Variants in NPAS3 observed in about 807,000 individuals in gnomAD.
NPAS3 encodes neuronal PAS domain-containing protein 3.
A neutral mutation model predicts 73.1 loss-of-function variants in NPAS3; 14 were observed. That is an observed-to-expected ratio of 0.19 (90% CI 0.13 to 0.30). The LOEUF is 0.30. Ranked by LOEUF, NPAS3 falls within the 10% of genes least tolerant of loss-of-function variation. NPAS3 has a pLI of 1.00. For missense variants in NPAS3, 1,096 were observed against 1,250.0 expected, an observed-to-expected ratio of 0.88 and a Z score of 1.86; for synonymous variants, 620 against 541.5, an observed-to-expected ratio of 1.14 and a Z score of -2.01.
intron 5 of NPAS3, among the ~76,000 whole-genome samples, chr14:33,623,632 C>T (rs1181889515): frequency 6.6e-6 from 1 of 152,194 alleles, no homozygotes; most frequent in African/African-American, 2.4e-5. Context: ...GTTCCACTCT[C>T]TCCAAGGCCT....
At position 33,659,519 on chromosome 14, in the gene NPAS3, G is replaced by A. The variant is rs541882923; in HGVS notation, c.559-16692G>A. Reference sequence around the variant, plus strand: ...TGTACCTTGTTTGTCTGGCTATCCTGGGAAGTCCCTTTTAGCAAACAGAGC... The same window carrying A: ...TGTACCTTGTTTGTCTGGCTATCCTAGGAAGTCCCTTTTAGCAAACAGAGC... On this transcript the variant is annotated intron_variant, in intron 5 of 11. Coordinates refer to ENST00000356141, the Ensembl canonical transcript of NPAS3. Among the ~76,000 whole-genome samples the A allele has an allele frequency of 1.2e-4, 19 of 152,186 alleles. No individual in the cohort carries two copies. The East Asian group carries it at 3.7e-3, about 29-fold the overall frequency.
intron 2 of NPAS3, among the ~76,000 whole-genome samples, chr14:33,199,538 CTAG>C (rs1168182643): frequency 1.3e-5 from 2 of 152,126 alleles, no homozygotes; most frequent in Admixed American, 1.3e-4. Flanking sequence ...TTGGTGCTCA[CTAG>C]TACCACCTCC....
intron 3 of NPAS3, among the ~76,000 whole-genome samples, chr14:33,230,058 G>A (rs1196543906): frequency 2.0e-5 from 3 of 152,170 alleles, no homozygotes; most frequent in East Asian, 1.9e-4. Context: ...GAAAGCTTTG[G>A]GGTCTTTCTC....
intron 6 of NPAS3, among the ~76,000 whole-genome samples, chr14:33,703,286 A>G (rs560013816): frequency 2.6e-5 from 4 of 152,250 alleles, no homozygotes; most frequent in Admixed American, 2.6e-4. Flanking sequence ...GGAGTTTAAG[A>G]CTAGCCTGTG....
At chr14:33,025,230 G>T (rs2039759245) in intron 1 of NPAS3, among the ~76,000 whole-genome samples, 2 of 152,206 alleles carry the variant, frequency 1.3e-5, no homozygotes. Flanking sequence ...CTAGGTTTGG[G>T]TCTTGGCTTT....
At chr14:33,251,524 T>G (rs1229100564) in intron 3 of NPAS3, among the ~76,000 whole-genome samples, 1 of 152,086 alleles carries the variant, frequency 6.6e-6, no homozygotes, top group African/African-American at 2.4e-5. Context: ...TCTGAAATCA[T>G]TCCAACTTTT....
chr14:33,059,781 C>G (rs1173294883), intron 2 of NPAS3, among the ~76,000 whole-genome samples: 1 of 152,152 alleles, frequency 6.6e-6, no homozygotes, highest in South Asian at 2.1e-4. Flanking sequence ...AAAGACACCC[C>G]TTCCATACTA....
At chr14:33,258,850 G>C (rs1479733332) in intron 3 of NPAS3, among the ~76,000 whole-genome samples, 1 of 152,088 alleles carries the variant, frequency 6.6e-6, no homozygotes, top group Non-Finnish European at 1.5e-5. Context: ...GTCTCGCTCT[G>C]TCACCAAGGC....
chr14:33,678,027 T>TTTAAG (rs974153655), intron 6 of NPAS3, among the ~76,000 whole-genome samples: 4 of 152,204 alleles, frequency 2.6e-5, no homozygotes, highest in East Asian at 1.9e-4. Context: ...CATGAAAGAA[T>TTTAAG]TTAAGTTTCT....
In NPAS3 at chr14:33,678,754, G is replaced by GAAAA. The variant is rs33960834; in HGVS notation, c.733+2379_733+2382dup. On this transcript the variant is annotated intron_variant, in intron 6 of 11. Transcript: ENST00000356141. Reference sequence around the variant, plus strand: ...ACATGTTGACAGTGAGACTTTGGGAGAAAAAAAAAAAAATCCACAGCCTGT... The same window carrying GAAAA: ...ACATGTTGACAGTGAGACTTTGGGAGAAAAAAAAAAAAAAAAATCCACAGCCTGT... 1.1e-3 allele frequency among the ~76,000 whole-genome samples: 168 copies of GAAAA among 146,318 alleles called. 1 individual carries two copies. Among genetic ancestry groups the GAAAA allele is most frequent in the East Asian group, 2.8e-3 (14 of 4,970 alleles).
intron 4 of NPAS3, among the ~76,000 whole-genome samples, chr14:33,442,573 T>A (rs113717582): frequency 2.9e-4 from 44 of 152,336 alleles, no homozygotes; most frequent in African/African-American, 1.0e-3. Context: ...TGATAGTAAG[T>A]TCTCATGAGA....
At chr14:33,626,131 C>G (rs1326083345) in intron 5 of NPAS3, among the ~76,000 whole-genome samples, 1 of 152,180 alleles carries the variant, frequency 6.6e-6, no homozygotes, top group African/African-American at 2.4e-5. Context: ...TCTGGCAGTG[C>G]TTTCTCCCAC....
At chr14:33,211,349 G>T (rs1165970345) in intron 2 of NPAS3, among the ~76,000 whole-genome samples, 1 of 152,204 alleles carries the variant, frequency 6.6e-6, no homozygotes, top group African/African-American at 2.4e-5. Context: ...GGGAGGCCAA[G>T]GTGGGCGGAT....
At chr14:33,054,604 ACTTAT>A (rs1244603855) in intron 1 of NPAS3, among the ~76,000 whole-genome samples, 1 of 131,812 alleles carries the variant, frequency 7.6e-6, no homozygotes, top group African/African-American at 3.0e-5. Context: ...ATTAGAAAAA[ACTTAT>A]CTGAGTTTTT....
intron 5 of NPAS3, among the ~76,000 whole-genome samples, chr14:33,582,792 C>G (rs1292183798): frequency 1.3e-5 from 2 of 152,060 alleles, no homozygotes; most frequent in African/African-American, 4.8e-5. Context: ...TATGCTATAA[C>G]TAATGGAGAA....
chr14:33,221,705 A>G (rs1046949240), intron 3 of NPAS3, among the ~76,000 whole-genome samples: 2 of 152,076 alleles, frequency 1.3e-5, no homozygotes, highest in Non-Finnish European at 2.9e-5. Context: ...GCTCTTTTGC[A>G]TTATGCATTA....
intron 1 of NPAS3, among the ~76,000 whole-genome samples, chr14:32,995,842 A>G (rs2038546914): frequency 6.6e-6 from 1 of 152,154 alleles, no homozygotes; most frequent in Non-Finnish European, 1.5e-5. Flanking sequence ...GCAGTGTGAA[A>G]ATGGACTAAT....
intron 6 of NPAS3, among the ~76,000 whole-genome samples, chr14:33,678,870 C>A (rs2059849318): frequency 6.6e-6 from 1 of 152,074 alleles, no homozygotes; most frequent in Admixed American, 6.6e-5. Flanking sequence ...TCATAAATCC[C>A]ATGCCTTCTA....
intron 2 of NPAS3, among the ~76,000 whole-genome samples, chr14:33,147,642 G>A (rs905860732): frequency 1.3e-5 from 2 of 150,668 alleles, no homozygotes; most frequent in African/African-American, 4.9e-5. Context: ...GAGTTAATGG[G>A]TGCAGCACAC....
Sources: allele counts gnomAD v4.1 joint callset (sites outside exome capture counted in the v4.1 genomes callset), GRCh38; gene constraint gnomAD v4.1.1; transcripts MANE v1.5; gene names NCBI Gene and HGNC (gene_info 2026-07-23, HGNC 2026-07-21).